The following AGBL4 variants were observed in gnomAD, a reference collection of about 807,000 sequenced individuals.
The protein encoded by AGBL4 is AGBL carboxypeptidase 4, also known as cytosolic carboxypeptidase 6.
Under a neutral mutation model 66.4 loss-of-function variants are expected in AGBL4, and 58 were observed. The observed-to-expected ratio is 0.87, with a 90% CI of 0.71 to 1.09. The LOEUF (loss-of-function observed/expected upper bound fraction) is 1.09, where lower values mean the gene tolerates loss of function less well. Ranked by LOEUF, AGBL4 falls within the 50% of genes least tolerant of loss-of-function variation. The pLI is 0.00. For missense variants in AGBL4, 579 were observed against 631.0 expected (o/e 0.92, Z 0.88); for synonymous variants, 234 against 222.9 (o/e 1.05, Z -0.44).
intron 5 of AGBL4, among the ~76,000 whole-genome samples, chr1:49,003,377 A>G (rs1171063618): frequency 1.3e-5 from 2 of 152,316 alleles, no homozygotes. Flanking sequence ...CAGCCTGGGC[A>G]ACAAGAGCGA....
chr1:49,904,876 A>G lies in AGBL4; in HGVS notation c.35-53358T>C, dbSNP rs556643051. ...TCTAAGTTAACAACAATGACACTAA[A>G]GAGATGATGAAATTACAGCTGTGGG... On this transcript the variant is annotated intron_variant, in intron 1 of 13. Transcript: ENST00000371839. 3.9e-5 allele frequency among the ~76,000 whole-genome samples: 6 copies of G among 152,314 alleles called. No homozygotes were observed. The South Asian group carries it at 1.2e-3, about 32-fold the overall frequency.
At chr1:48,701,268 G>T (rs1186463071) in intron 6 of AGBL4, among the ~76,000 whole-genome samples, 1 of 152,174 alleles carries the variant, frequency 6.6e-6, no homozygotes, top group Non-Finnish European at 1.5e-5. Flanking sequence ...GACCTGGGAA[G>T]AGGCAGCTGA....
intron 3 of AGBL4, among the ~76,000 whole-genome samples, chr1:49,601,089 T>G (rs1304232828): frequency 1.3e-5 from 2 of 152,192 alleles, no homozygotes; most frequent in African/African-American, 4.8e-5. Context: ...CCTTGGTGAA[T>G]CTGACAATTG....
At chr1:49,735,336 G>GTGT (rs1441461264) in intron 2 of AGBL4, among the ~76,000 whole-genome samples, 8 of 136,680 alleles carry the variant, frequency 5.9e-5, no homozygotes, top group African/African-American at 2.0e-4. Flanking sequence ...TGTGTGTGTA[G>GTGT]AGAGAGAGAG....
chr1:48,776,912 GAGT>G, intron 6 of AGBL4: 1 of 683,040 alleles, frequency 1.5e-6, no homozygotes, highest in Non-Finnish European at 2.3e-6. Flanking sequence ...CGGGGGGCGC[GAGT>G]CTCGCTACGG....
chr1:49,126,498 C>A (rs938807228), intron 4 of AGBL4, among the ~76,000 whole-genome samples: 13 of 152,154 alleles, frequency 8.5e-5, no homozygotes, highest in Non-Finnish European at 1.5e-5. Context: ...TATTATAGGG[C>A]AGGCAGTTTA....
At chr1:49,930,334 C>T (rs1338112660) in intron 1 of AGBL4, among the ~76,000 whole-genome samples, 1 of 152,010 alleles carries the variant, frequency 6.6e-6, no homozygotes, top group African/African-American at 2.4e-5. Flanking sequence ...AACCTACCCA[C>T]ATAGAAAATT....
At chr1:49,877,487 C>T (rs1171233722) in intron 1 of AGBL4, among the ~76,000 whole-genome samples, 1 of 150,518 alleles carries the variant, frequency 6.6e-6, no homozygotes, top group Non-Finnish European at 1.5e-5. Context: ...ATTGAACCAG[C>T]CTTGCATCCC....
Position 49,045,659 on chromosome 1 carries a change from G to A in AGBL4, c.519C>T (p.Arg173=). ...FAYCYPYTYT[R]FQHYLDSLQK... is the part of the protein sequence containing the mutation. ...GCAGGCTGTCAAGGTAATGTTGGAA[G>A]CGAGTGTATGTATATGGGTAGCAGT... Residue 173 remains arginine (R), a synonymous_variant, in exon 5 of 14, where the codon CGC becomes CGT. Transcript: ENST00000371839. The A allele has an allele frequency of 6.3e-7, 1 of 1,589,750 alleles. No homozygotes were observed. Among genetic ancestry groups the A allele is most frequent in the East Asian group, 2.3e-5 (1 of 43,982 alleles).
At chr1:49,785,936 C>A (rs1644443724) in intron 2 of AGBL4, among the ~76,000 whole-genome samples, 1 of 149,876 alleles carries the variant, frequency 6.7e-6, no homozygotes, top group East Asian at 1.9e-4. Flanking sequence ...GCTAGACCCA[C>A]CTACGTTATG....
intron 11 of AGBL4, among the ~76,000 whole-genome samples, chr1:48,556,453 C>A (rs977078531): frequency 6.6e-6 from 1 of 152,184 alleles, no homozygotes; most frequent in Non-Finnish European, 1.5e-5. Flanking sequence ...ACTATAAGAA[C>A]AAGCATATTA....
In AGBL4 at chr1:49,567,283, C is replaced by T. The variant is rs138798823; in HGVS notation, c.282+130030G>A. Among the ~76,000 whole-genome samples the T allele has an allele frequency of 8.8e-3, 1,340 of 152,326 alleles. 11 individuals carry two copies. Among genetic ancestry groups the T allele is most frequent in the Middle Eastern group, 0.031 (9 of 294 alleles). ...TGATGCCTCGCCCTGCTTTGGCTCA[C>T]GCACGGTGCACTGCACCCACTGTCC... On this transcript the variant is annotated intron_variant, in intron 3 of 13. Transcript: ENST00000371839.
In AGBL4 at chr1:49,622,464, C is replaced by T. The variant is rs563243773; in HGVS notation, c.282+74849G>A. 3.3e-5 allele frequency among the ~76,000 whole-genome samples: 5 copies of T among 150,832 alleles called. No homozygotes were observed. The South Asian group carries it at 1.1e-3, about 32-fold the overall frequency. ...CTAAAACGGTGAAACCCCGTCTCTA[C>T]TAAAAATACAAAAAATTAGCCGGGC... On this transcript the variant is annotated intron_variant, in intron 3 of 13. Coordinates refer to ENST00000371839, the MANE Select transcript of AGBL4 (RefSeq NM_032785.4).
chr1:49,720,076 AT>A (rs1373161964), intron 2 of AGBL4, among the ~76,000 whole-genome samples: 1 of 152,152 alleles, frequency 6.6e-6, no homozygotes. Flanking sequence ...ATCCTAAAAA[AT>A]ATACACTCTC....
At chr1:48,936,544 A>G (rs1368000001) in intron 5 of AGBL4, among the ~76,000 whole-genome samples, 3 of 152,184 alleles carry the variant, frequency 2.0e-5, no homozygotes, top group Non-Finnish European at 4.4e-5. Flanking sequence ...ACAGCTCAGA[A>G]GAACTGCACT....
At chr1:49,842,032 G>A (rs560064717) in intron 2 of AGBL4, 10 of 389,170 alleles carry the variant, frequency 2.6e-5, no homozygotes, top group South Asian at 7.6e-5. Flanking sequence ...CCATATTCAC[G>A]TGCAGCCTCC....
intron 6 of AGBL4, among the ~76,000 whole-genome samples, chr1:48,775,587 AGAT>A (rs760647186): frequency 1.3e-5 from 2 of 152,170 alleles, no homozygotes; most frequent in Non-Finnish European, 2.9e-5. Flanking sequence ...CCCAAAACGG[AGAT>A]GATACTTCCC....
intron 6 of AGBL4, among the ~76,000 whole-genome samples, chr1:48,702,117 A>G (rs1187142419): frequency 6.6e-6 from 1 of 152,154 alleles, no homozygotes; most frequent in South Asian, 2.1e-4. Flanking sequence ...AAAACACTTT[A>G]CTTCCTGCAT....
intron 9 of AGBL4, among the ~76,000 whole-genome samples, chr1:48,613,196 T>G (rs185324541): frequency 2.6e-5 from 4 of 152,248 alleles, no homozygotes; most frequent in Admixed American, 6.5e-5. Context: ...AACTATAGTT[T>G]GAATTTTTGA....
Sources: allele counts gnomAD v4.1 joint callset (sites outside exome capture counted in the v4.1 genomes callset), GRCh38; gene constraint gnomAD v4.1.1; transcripts MANE v1.5; gene names NCBI Gene and HGNC (gene_info 2026-07-23, HGNC 2026-07-21).